Variants in ADGRE5 observed in about 807,000 individuals in gnomAD.
ADGRE5 encodes the protein adhesion G protein-coupled receptor E5, also known as CD97 molecule.
A neutral mutation model predicts 100.3 loss-of-function variants in ADGRE5; 72 were observed. The ratio of observed to expected loss-of-function variants is 0.72; its 90% CI spans 0.59 to 0.87. ADGRE5 has a LOEUF of 0.87. ADGRE5 is among the 40% of genes least tolerant of loss of function. The pLI is 0.00. For synonymous variants in ADGRE5, 439 were observed against 447.8 expected, an observed-to-expected ratio of 0.98 and a Z score of 0.25; for missense variants, 959 against 1,094.7, an observed-to-expected ratio of 0.88 and a Z score of 1.75.
At chr19:14,397,247 T>G in intron 6 of ADGRE5, 24 bp downstream of exon 6, 1 of 1,613,264 alleles carries the variant, frequency 6.2e-7, no homozygotes, top group Non-Finnish European at 8.5e-7. Context: ...ATCCCACGTT[T>G]CTAGCGACCC....
At position 14,401,563 on chromosome 19, in the gene ADGRE5, G is replaced by A; in HGVS notation, c.1075G>A (p.Glu359Lys). 2 of 1,613,970 alleles carry A rather than the reference G, an allele frequency of 1.2e-6. No homozygotes were observed. The highest frequency in any genetic ancestry group is 2.2e-5 in the East Asian group (1 of 44,890). The change falls in exon 10 of 20, where the codon GAG becomes AAG. Residue 359 changes from glutamate (E) to lysine (K), a missense_variant and splice_region_variant. This residue lies in a region of ADGRE5 where 246 missense variants were observed against 242.2 expected (regional missense o/e 1.02). Coordinates refer to ENST00000242786, the MANE Select transcript of ADGRE5 (RefSeq NM_078481.4). This position sits in a 1 kb window ranked among gnomAD's most constrained non-coding sequence, Gnocchi z 4.1. ...PFTYISPSNT[E>K]LTLMIQERGD... The stretch of plus-strand genomic sequence containing the variant: ...CACCTACATTTCCCCTTCGAACACA[G>A]GTGAGGCCTTGGCCTGGCCTGCCCT...
In ADGRE5 at chr19:14,405,888, C is replaced by G; in HGVS notation, c.1770C>G (p.Leu590=). ...TACACCTGCACCTCTGCATCTGCCT[C>G]TTCGTGGGCTCCACCATCTTCCTGG... The part of the protein sequence containing the change: ...TTIHLHLCIC[L]FVGSTIFLAG... The change falls in exon 14 of 20, where the codon CTC becomes CTG. Residue 590 remains leucine (L), a synonymous_variant. Coordinates refer to ENST00000242786, the MANE Select transcript of ADGRE5 (RefSeq NM_078481.4). 4 of 1,611,958 alleles carry G rather than the reference C, an allele frequency of 2.5e-6. No individual in the cohort carries two copies. The Middle Eastern group carries it at 6.6e-4, about 266-fold the overall frequency.
intron 13 of ADGRE5, chr19:14,404,866 G>GTTTTTT: frequency 4.1e-6 from 1 of 243,982 alleles, no homozygotes; most frequent in South Asian, 5.5e-5. Context: ...CCACTTGCCC[G>GTTTTTT]TTTTTTTTTT....
intron 1 of ADGRE5, among the ~76,000 whole-genome samples, chr19:14,383,947 TTCTCTA>T (rs1157673632): frequency 6.6e-6 from 1 of 152,106 alleles, no homozygotes; most frequent in Non-Finnish European, 1.5e-5. Flanking sequence ...AAGCCTCAGT[TTCTCTA>T]TCTGTAGAAT....
rs1251480058 is a variant in ADGRE5, at chr19:14,407,965, G to A, written c.2434G>A (p.Glu812Lys). ...CLVAGGSKYS[E>K]FTSTTSGTGH... ...AGTTGCTGGGGGGAGCAAGTACTCA[G>A]AATTCACCTCCACCACGTCTGGCAC... Residue 812 changes from glutamate to lysine, a missense_variant, in exon 19 of 20, where the codon GAA (glutamate) becomes AAA (lysine). This residue lies in a region of ADGRE5 where 428 missense variants were observed against 386.2 expected (regional missense o/e 1.11). Transcript: ENST00000242786. 1 of 1,614,146 alleles carries A rather than the reference G, an allele frequency of 6.2e-7. No homozygotes were observed. The highest frequency in any genetic ancestry group is 1.7e-5 in the Admixed American group (1 of 60,018).
rs1202462294 is a variant in ADGRE5, at chr19:14,401,493, A to C, written c.1005A>C (p.Glu335Asp). 1.2e-6 allele frequency: 2 copies of C among 1,614,152 alleles called. No homozygotes were observed. The highest frequency in any genetic ancestry group is 1.7e-6 in the Non-Finnish European group (2 of 1,179,992). The change falls in exon 10 of 20, where the codon GAA becomes GAC. Residue 335 changes from glutamate to aspartate, a missense_variant. This residue lies in a region of ADGRE5 where 246 missense variants were observed against 242.2 expected (regional missense o/e 1.02). Coordinates refer to ENST00000242786, the MANE Select transcript of ADGRE5 (RefSeq NM_078481.4). The surrounding 1 kb of genome is among the most constrained non-coding windows in gnomAD (Gnocchi z 4.1). ...LIATQLLSNL[E>D]DIMRILAKSL... ...CCACCCAGCTGCTCTCAAACCTTGA[A>C]GATATCATGAGGATCCTGGCCAAGA...
rs1424212342 is a variant in ADGRE5 at position 14,391,014 on chromosome 19, G to T, written c.281G>T (p.Ser94Ile). The T allele has an allele frequency of 1.9e-6, 3 of 1,614,224 alleles. No individual in the cohort carries two copies. The South Asian group carries it at 3.3e-5, about 18-fold the overall frequency. ...NTEGSYDCVCSPGYEPVSGAK... is the reference protein window; with the variant it reads ...NTEGSYDCVCIPGYEPVSGAK... ...GAGGGGAGCTACGACTGCGTGTGCA[G>T]CCCGGGATATGAGCCTGTTTCTGGG... The change falls in exon 4 of 20, where the codon AGC (serine) becomes ATC (isoleucine). Residue 94 changes from serine to isoleucine, a missense_variant. Ser to Ile is a moderately radical substitution (Grantham distance 142, BLOSUM62 -2). Transcript: ENST00000242786.
At chr19:14,407,840 G>A in intron 18 of ADGRE5, 68 bp from the exon 19 acceptor site, 3 of 1,327,124 alleles carry the variant, frequency 2.3e-6, no homozygotes, top group South Asian at 2.4e-5. Context: ...GCTGAGGGCA[G>A]AGCATGGGGA....
chr19:14,389,792 G>A (rs1337836792), intron 3 of ADGRE5, among the ~76,000 whole-genome samples: 9 of 150,530 alleles, frequency 6.0e-5, no homozygotes, highest in South Asian at 4.2e-4. Flanking sequence ...AAGTAGGCCC[G>A]GCATGGTGGC....
At chr19:14,390,030 C>T (rs1046856414) in intron 3 of ADGRE5, among the ~76,000 whole-genome samples, 28 of 148,660 alleles carry the variant, frequency 1.9e-4, no homozygotes, top group African/African-American at 6.4e-4. Flanking sequence ...GAGCCAAGAC[C>T]GTGCCATTGC....
chr19:14,389,322 GGGGA>G (rs1568308866), intron 3 of ADGRE5, among the ~76,000 whole-genome samples: 1 of 238 alleles, frequency 4.2e-3, no homozygotes, highest in Non-Finnish European at 8.3e-3. Flanking sequence ...GAGGGGGATG[GGGGA>G]GGGAGGGGGG....
Position 14,384,950 on chromosome 19 carries a change from G to C in ADGRE5, c.22+3405G>C, listed in dbSNP as rs62122579. On this transcript the variant is annotated intron_variant, in intron 1 of 19. Transcript: ENST00000242786. ...TCCGTCTCTGTCCCTCTATCTCTCT[G>C]TCTCTCTCTCTCTTTGTTCTTTTCT... Among the ~76,000 whole-genome samples the C allele has an allele frequency of 5.8e-3, 525 of 91,278 alleles. 6 individuals are homozygous for C. Among genetic ancestry groups the C allele is most frequent in the African/African-American group, 0.016 (501 of 31,904 alleles). 59.9% of individuals were successfully genotyped at this position (91,278 alleles called of 152,430 possible).
chr19:14,389,852 T>C (rs915546483), intron 3 of ADGRE5, among the ~76,000 whole-genome samples: 4 of 151,958 alleles, frequency 2.6e-5, no homozygotes, highest in Non-Finnish European at 2.9e-5. Context: ...GCGGATCACC[T>C]GAGGTTGGGA....
At chr19:14,387,502 G>A (rs1975400096) in intron 1 of ADGRE5, among the ~76,000 whole-genome samples, 1 of 152,068 alleles carries the variant, frequency 6.6e-6, no homozygotes, top group Non-Finnish European at 1.5e-5. Context: ...GCCGAGGTGG[G>A]TGGATCACGA....
chr19:14,391,229 AC>A, intron 4 of ADGRE5, 150 bp downstream of exon 4: 1 of 958,974 alleles, frequency 1.0e-6, no homozygotes. Flanking sequence ...CTACCCCACC[AC>A]CCCAGAGAGG....
intron 9 of ADGRE5, among the ~76,000 whole-genome samples, chr19:14,399,563 CAAAAAAAAAAAA>C (rs764605166): frequency 7.2e-4 from 23 of 31,854 alleles, no homozygotes; most frequent in South Asian, 2.0e-3. Flanking sequence ...GACTCCGTCT[CAAAAAAAAAAAA>C]AAAAAAAAAA....
chr19:14,408,431 G>A lies in ADGRE5; in HGVS notation c.*310G>A. On this transcript the variant is annotated 3_prime_UTR_variant, in exon 20 of 20. Coordinates refer to ENST00000242786, the MANE Select transcript of ADGRE5 (RefSeq NM_078481.4). Reference sequence around the variant, plus strand: ...CCTGGCACCTGTGGCCAGTACTCGGGACAGACTAAGGGCGCTTGTCCCATC... The same window carrying A: ...CCTGGCACCTGTGGCCAGTACTCGGAACAGACTAAGGGCGCTTGTCCCATC... The A allele has an allele frequency of 5.1e-6, 3 of 583,100 alleles. No homozygotes were observed. The highest frequency in any genetic ancestry group is 6.1e-6 in the Non-Finnish European group (2 of 325,576). The allele number at this position is 583,100 out of a possible 1,614,324, so 36.1% of individuals were successfully genotyped here.
At chr19:14,396,291 G>C (rs1371367162) in intron 4 of ADGRE5, 51 bp from the exon 5 acceptor site, 4 of 1,613,794 alleles carry the variant, frequency 2.5e-6, no homozygotes, top group Non-Finnish European at 3.4e-6. Flanking sequence ...CCTCAGCCCT[G>C]AAAGCTGCTC....
chr19:14,389,308 AGGGGAGGGGGATGGGGGAGGGAG>A (rs1236091699), intron 3 of ADGRE5, among the ~76,000 whole-genome samples: 9 of 646 alleles, frequency 0.014, no homozygotes, highest in African/African-American at 0.055. Context: ...GGAAGGGGGA[AGGGGAGGGGGATGGGGGAGGGAG>A]GGGGGAAGGG....
Sources: allele counts gnomAD v4.1 joint callset (sites outside exome capture counted in the v4.1 genomes callset), GRCh38; gene constraint gnomAD v4.1.1; regional missense constraint gnomAD v4.1.1; non-coding constraint Gnocchi (gnomAD v3.1); transcripts MANE v1.5; gene names NCBI Gene and HGNC (gene_info 2026-07-23, HGNC 2026-07-21).